The following CNTN4 variants were observed in gnomAD, a reference collection of about 807,000 sequenced individuals.
CNTN4 encodes contactin 4.
CNTN4 carries 77 observed loss-of-function variants against 122.5 expected under a neutral mutation model. The observed-to-expected ratio is 0.63, with a 90% confidence interval of 0.52 to 0.76. The LOEUF (loss-of-function observed/expected upper bound fraction) is 0.76, where lower values mean the gene tolerates loss of function less well. Among genes scored for constraint, CNTN4 ranks in the 30% least tolerant of loss-of-function variants. CNTN4 has a pLI of 0.00. For synonymous variants in CNTN4, 512 were observed against 447.0 expected (o/e 1.15, Z -1.83); for missense variants, 1,256 against 1,259.1 (o/e 1.00, Z 0.04).
chr3:2,487,712 A>G (rs2076202625), intron 3 of CNTN4, among the ~76,000 whole-genome samples: 1 of 152,142 alleles, frequency 6.6e-6, no homozygotes, highest in South Asian at 2.1e-4. Context: ...ATTGATATTG[A>G]TCTCTTTCTT....
chr3:2,391,990 A>T (rs986138234), intron 3 of CNTN4, among the ~76,000 whole-genome samples: 2 of 152,142 alleles, frequency 1.3e-5, no homozygotes, highest in Non-Finnish European at 2.9e-5. Context: ...CATTTCATTC[A>T]ATATGTTAGA....
At chr3:2,463,657 G>T (rs182511223) in intron 3 of CNTN4, among the ~76,000 whole-genome samples, 1 of 152,244 alleles carries the variant, frequency 6.6e-6, no homozygotes, top group East Asian at 1.9e-4. Context: ...TACTTGGGAA[G>T]CTGAGGCAGG....
At chr3:2,193,215 T>G (rs1201297742) in intron 2 of CNTN4, among the ~76,000 whole-genome samples, 1 of 152,172 alleles carries the variant, frequency 6.6e-6, no homozygotes, top group Non-Finnish European at 1.5e-5. Context: ...CAGAATTTCA[T>G]TCTTTTTGGA....
chr3:2,213,047 C>T (rs1015752963), intron 2 of CNTN4, among the ~76,000 whole-genome samples: 2 of 152,100 alleles, frequency 1.3e-5, no homozygotes, highest in African/African-American at 4.8e-5. Context: ...TCAGAATGGG[C>T]ATCAATCTCA....
At position 2,269,261 on chromosome 3, in the gene CNTN4, A is replaced by G. The variant is rs117376542; in HGVS notation, c.-144-69917A>G. On this transcript the variant is annotated intron_variant, in intron 2 of 24. Transcript: ENST00000418658. ...GGTGATTGCACAAATTCACTACATT[A>G]AATTTAATCAGGGATGTTTCTGGTA... Among the ~76,000 whole-genome samples, 52 of 152,268 alleles carry G rather than the reference A, an allele frequency of 3.4e-4. No homozygotes were observed. In the East Asian group the frequency reaches 9.6e-3, roughly 28 times the overall value.
chr3:2,522,391 C>A (rs1420267222), intron 3 of CNTN4, among the ~76,000 whole-genome samples: 1 of 152,000 alleles, frequency 6.6e-6, no homozygotes, highest in Non-Finnish European at 1.5e-5. Context: ...TCTTAAATAT[C>A]AATTGATTTA....
At chr3:2,565,286 A>G (rs1388953760) in intron 3 of CNTN4, among the ~76,000 whole-genome samples, 1 of 152,212 alleles carries the variant, frequency 6.6e-6, no homozygotes, top group Admixed American at 6.5e-5. Flanking sequence ...TAATCTAATG[A>G]TAAAAACCAA....
rs114632112 is a variant in CNTN4 at position 2,744,422 on chromosome 3, A to T, written c.183-1100A>T. Among the ~76,000 whole-genome samples the T allele has an allele frequency of 1.6e-4, 25 of 152,354 alleles. No individual in the cohort carries two copies. The East Asian group carries it at 2.3e-3, about 14-fold the overall frequency. On this transcript the variant is annotated intron_variant, in intron 5 of 24. Coordinates refer to ENST00000418658, the MANE Select transcript of CNTN4 (RefSeq NM_175607.3). The stretch of plus-strand genomic sequence containing the variant: ...TGGTGATTTTTACTATTTAAAGGAG[A>T]TAAGGTTAATGGCTCTCATTCCTTA...
chr3:2,962,726 G>A (rs2094874561), intron 13 of CNTN4, among the ~76,000 whole-genome samples: 1 of 152,222 alleles, frequency 6.6e-6, no homozygotes, highest in South Asian at 2.1e-4. Context: ...AGCCTTACCA[G>A]ATTGAATCCA....
At chr3:2,281,662 A>G (rs568917404) in intron 2 of CNTN4, among the ~76,000 whole-genome samples, 12 of 152,068 alleles carry the variant, frequency 7.9e-5, no homozygotes, top group African/African-American at 2.7e-4. Context: ...AGTATTTCAC[A>G]TATCTGCTTG....
At chr3:2,657,633 G>A (rs754294433) in intron 4 of CNTN4, among the ~76,000 whole-genome samples, 3 of 152,160 alleles carry the variant, frequency 2.0e-5, no homozygotes, top group Non-Finnish European at 4.4e-5. Context: ...TAGCTAGCAT[G>A]GGGTGCGTAT....
rs181633840 is a variant in CNTN4, at chr3:3,045,443, C to T, written c.2811+1739C>T. On this transcript the variant is annotated intron_variant, in intron 23 of 24. Coordinates refer to ENST00000418658, the MANE Select transcript of CNTN4 (RefSeq NM_175607.3). ...CTCTGAGACAAAACTTCCAGAGGAA[C>T]GATCAGGCAGCAACATTTGCTGTTC... 3.7e-3 allele frequency among the ~76,000 whole-genome samples: 569 copies of T among 152,292 alleles called. 3 individuals carry two copies. Among genetic ancestry groups the T allele is most frequent in the Middle Eastern group, 0.014 (4 of 294 alleles).
chr3:2,979,025 G>A (rs888166708), intron 13 of CNTN4, among the ~76,000 whole-genome samples: 1 of 152,184 alleles, frequency 6.6e-6, no homozygotes, highest in African/African-American at 2.4e-5. Flanking sequence ...AACAGAAAAC[G>A]GGTACTTTTC....
chr3:2,479,019 C>A (rs1302419216), intron 3 of CNTN4, among the ~76,000 whole-genome samples: 4 of 152,040 alleles, frequency 2.6e-5, no homozygotes, highest in Non-Finnish European at 5.9e-5. Flanking sequence ...ACTGCATATT[C>A]TCTTATTTAA....
intron 2 of CNTN4, among the ~76,000 whole-genome samples, chr3:2,196,252 T>C (rs540309812): frequency 6.6e-6 from 1 of 152,298 alleles, no homozygotes; most frequent in African/African-American, 2.4e-5. Flanking sequence ...GAAGTGCTGA[T>C]TGTGGAGAGA....
rs1328455860 is a variant in CNTN4 at position 2,624,650 on chromosome 3, G to A, written c.55+53092G>A. Among the ~76,000 whole-genome samples, 14 of 92,862 alleles carry A rather than the reference G, an allele frequency of 1.5e-4. No homozygotes were observed. In the Admixed American group the frequency reaches 1.9e-3, roughly 13 times the overall value. 60.9% of individuals were successfully genotyped at this position (92,862 alleles called of 152,430 possible). On this transcript the variant is annotated intron_variant, in intron 4 of 24. Coordinates refer to ENST00000418658, the MANE Select transcript of CNTN4 (RefSeq NM_175607.3). ...TTCTTTTTTTTTTTTTTTTTTTTTC[G>A]AGGCTGAGTCTCACCCTGTCTCCCA...
At chr3:2,300,111 C>T (rs535278389) in intron 2 of CNTN4, among the ~76,000 whole-genome samples, 2 of 152,198 alleles carry the variant, frequency 1.3e-5, no homozygotes, top group East Asian at 3.9e-4. Flanking sequence ...GGTATGCTTA[C>T]TTGAGATAGA....
chr3:3,018,846 G>T (rs757976074), intron 14 of CNTN4, among the ~76,000 whole-genome samples: 9 of 151,858 alleles, frequency 5.9e-5, no homozygotes, highest in Non-Finnish European at 8.8e-5. Context: ...ACTGATTCTG[G>T]GACTATTGCA....
chr3:2,247,367 G>A (rs973699454), intron 2 of CNTN4, among the ~76,000 whole-genome samples: 5 of 152,006 alleles, frequency 3.3e-5, no homozygotes, highest in Admixed American at 1.3e-4. Flanking sequence ...GGTTGGTGTT[G>A]TAAGGAGAGA....
Sources: gnomAD v4.1 joint callset for allele counts (sites outside exome capture counted in the v4.1 genomes callset) on GRCh38, gnomAD v4.1.1 for gene constraint, MANE v1.5 for transcripts, NCBI Gene and HGNC (gene_info 2026-07-23, HGNC 2026-07-21) for gene names.